Variants in FTO observed in about 807,000 individuals in gnomAD.
FTO encodes the protein FTO alpha-ketoglutarate dependent dioxygenase.
A neutral mutation model predicts 63.9 loss-of-function variants in FTO; 47 were observed. The observed-to-expected ratio is 0.74, with a 90% confidence interval of 0.58 to 0.94. FTO has a LOEUF of 0.94. Ranked by LOEUF, FTO falls within the 40% of genes least tolerant of loss-of-function variation. The probability of loss-of-function intolerance (pLI) is 0.00; values close to 1 mark genes in which losing one functional copy is unlikely to be tolerated. For synonymous variants in FTO, 207 were observed against 224.4 expected (o/e 0.92, Z 0.69); for missense variants, 562 against 618.1 (o/e 0.91, Z 0.96).
chr16:53,976,837 T>G (rs1202085258), intron 8 of FTO, among the ~76,000 whole-genome samples: 1 of 152,190 alleles, frequency 6.6e-6, no homozygotes, highest in Non-Finnish European at 1.5e-5. Flanking sequence ...GTCTGGTAGC[T>G]GTTGAGTTTT....
At chr16:53,804,207 C>A (rs776601984) in intron 1 of FTO, among the ~76,000 whole-genome samples, 26 of 152,216 alleles carry the variant, frequency 1.7e-4, no homozygotes, top group Non-Finnish European at 1.6e-4. Context: ...TTAGGCTATA[C>A]ACACATAACA....
chr16:53,705,904 A>C (rs1355641250), intron 1 of FTO, among the ~76,000 whole-genome samples: 1 of 152,210 alleles, frequency 6.6e-6, no homozygotes, highest in Non-Finnish European at 1.5e-5. Flanking sequence ...ACTGCACCAA[A>C]GAAGCTCTTA....
intron 8 of FTO, among the ~76,000 whole-genome samples, chr16:54,027,137 A>G (rs1160839817): frequency 2.6e-5 from 4 of 152,212 alleles, no homozygotes; most frequent in African/African-American, 9.6e-5. Flanking sequence ...AAAGAGAAAC[A>G]TGATTATAGG....
At chr16:53,767,989 C>T (rs778259357) in intron 1 of FTO, among the ~76,000 whole-genome samples, 8 of 152,060 alleles carry the variant, frequency 5.3e-5, no homozygotes, top group African/African-American at 1.9e-4. Context: ...TAATATAATG[C>T]CTGACACATA....
intron 8 of FTO, chr16:53,937,334 C>A: frequency 2.5e-6 from 1 of 398,498 alleles, no homozygotes; most frequent in South Asian, 1.3e-4. Context: ...TCTGAAGATT[C>A]GCCTTTGTTT....
At chr16:54,066,607 C>A (rs1205397644) in intron 8 of FTO, among the ~76,000 whole-genome samples, 3 of 152,214 alleles carry the variant, frequency 2.0e-5, no homozygotes, top group African/African-American at 7.2e-5. Context: ...TGCTCACCAG[C>A]CCATTGGTAT....
In FTO at chr16:53,826,014, A is replaced by G. The variant is rs2078996355; in HGVS notation, c.274A>G (p.Thr92Ala). The G allele has an allele frequency of 6.2e-7, 1 of 1,613,878 alleles. No individual in the cohort carries two copies. Residue 92 changes from threonine (T) to alanine (A), a missense_variant, in exon 3 of 9, where the codon ACT (threonine) becomes GCT (alanine). Thr to Ala is a moderately conservative substitution (Grantham distance 58). Transcript: ENST00000471389. ...LVRIQGKDLL[T>A]PVSRILIGNP... The stretch of plus-strand genomic sequence containing the variant: ...TAGGATCCAAGGCAAAGATCTGCTC[A>G]CTCCGGTATCTCGCATCCTCATTGG...
intron 1 of FTO, 87 bp downstream of exon 1, chr16:53,704,316 G>C: frequency 7.5e-7 from 1 of 1,327,258 alleles, no homozygotes; most frequent in East Asian, 2.5e-5. Flanking sequence ...ATGGCGAGCG[G>C]ATGCGCGGTG....
chr16:54,106,598 TATATC>T (rs1227853956), intron 8 of FTO, among the ~76,000 whole-genome samples: 4 of 140,658 alleles, frequency 2.8e-5, no homozygotes, highest in Non-Finnish European at 4.6e-5. Flanking sequence ...TAATAATAGT[TATATC>T]ATATAATTAT....
chr16:53,998,971 A>C (rs2084005747), intron 8 of FTO, among the ~76,000 whole-genome samples: 1 of 152,188 alleles, frequency 6.6e-6, no homozygotes, highest in Non-Finnish European at 1.5e-5. Flanking sequence ...TTATGTTAAG[A>C]AAGTAACCCT....
At chr16:53,745,262 G>C (rs1280452338) in intron 1 of FTO, among the ~76,000 whole-genome samples, 1 of 152,130 alleles carries the variant, frequency 6.6e-6, no homozygotes, top group East Asian at 1.9e-4. Flanking sequence ...GCGGCTCTAA[G>C]GAATGACTTC....
intron 1 of FTO, among the ~76,000 whole-genome samples, chr16:53,722,859 A>G (rs142045937): frequency 2.4e-3 from 362 of 152,162 alleles, no homozygotes; most frequent in African/African-American, 8.4e-3. Context: ...GTGTAAAACC[A>G]TATGACAGAA....
At chr16:53,737,058 A>G (rs1041243943) in intron 1 of FTO, among the ~76,000 whole-genome samples, 30 of 152,088 alleles carry the variant, frequency 2.0e-4, no homozygotes, top group Admixed American at 5.9e-4. Flanking sequence ...TGTCTCTTTG[A>G]TGGTGAGTCC....
intron 4 of FTO, among the ~76,000 whole-genome samples, chr16:53,845,914 A>G (rs57653079): frequency 2.0e-5 from 3 of 152,078 alleles, no homozygotes; most frequent in African/African-American, 4.8e-5. Flanking sequence ...TCTCATGGGG[A>G]GATTCCTGCA....
intron 1 of FTO, among the ~76,000 whole-genome samples, chr16:53,711,674 G>A (rs539374576): frequency 6.6e-6 from 1 of 152,290 alleles, no homozygotes; most frequent in African/African-American, 2.4e-5. Flanking sequence ...TGAAATCCAA[G>A]TTAGCTTCAA....
intron 8 of FTO, among the ~76,000 whole-genome samples, chr16:54,056,616 C>A (rs545367267): frequency 6.6e-6 from 1 of 152,156 alleles, no homozygotes; most frequent in Non-Finnish European, 1.5e-5. Flanking sequence ...TGTGAGCAAC[C>A]CTATGGAGAA....
At chr16:53,707,531 A>G (rs1488109675) in intron 1 of FTO, among the ~76,000 whole-genome samples, 2 of 152,116 alleles carry the variant, frequency 1.3e-5, no homozygotes, top group East Asian at 3.9e-4. Context: ...AATGCACTGC[A>G]CCCTTTTACA....
intron 8 of FTO, among the ~76,000 whole-genome samples, chr16:54,018,452 T>TACATA (rs1567520098): frequency 8.2e-5 from 11 of 133,578 alleles, no homozygotes; most frequent in African/African-American, 2.8e-4. Flanking sequence ...ATACATACAT[T>TACATA]CATTCATGTG....
chr16:53,822,927 A>C (rs934952626), intron 2 of FTO, among the ~76,000 whole-genome samples: 2 of 152,074 alleles, frequency 1.3e-5, no homozygotes, highest in East Asian at 3.9e-4. Context: ...TATCATTCTC[A>C]TGAGTGTACT....
Sources: gnomAD v4.1 joint callset for allele counts (sites outside exome capture counted in the v4.1 genomes callset) on GRCh38, gnomAD v4.1.1 for gene constraint, MANE v1.5 for transcripts, NCBI Gene and HGNC (gene_info 2026-07-23, HGNC 2026-07-21) for gene names.